ADAMTS2: variants seen among roughly 807,000 people sequenced by gnomAD.
ADAMTS2 encodes ADAM metallopeptidase with thrombospondin type 1 motif 2, also known as A disintegrin and metalloproteinase with thrombospondin motifs 2.
Under a neutral mutation model 123.0 loss-of-function variants are expected in ADAMTS2, and 50 were observed. That is an observed-to-expected ratio of 0.41 (90% CI 0.32 to 0.51). ADAMTS2 has a LOEUF of 0.51. ADAMTS2 is among the 20% of genes least tolerant of loss of function. The pLI, the probability that ADAMTS2 is intolerant of heterozygous loss-of-function variation, is 0.35. For synonymous variants in ADAMTS2, 678 were observed against 695.4 expected (o/e 0.98, Z 0.39); for missense variants, 1,494 against 1,705.2 (o/e 0.88, Z 2.18).
At chr5:179,326,998 TA>T (rs1436208314) in intron 2 of ADAMTS2, among the ~76,000 whole-genome samples, 14 of 152,056 alleles carry the variant, frequency 9.2e-5, no homozygotes, top group Non-Finnish European at 1.9e-4. Context: ...CCCGCCAGGG[TA>T]ATGATAGGGA....
chr5:179,238,089 G>A (rs1581211914), intron 3 of ADAMTS2, among the ~76,000 whole-genome samples: 1 of 152,168 alleles, frequency 6.6e-6, no homozygotes, highest in African/African-American at 2.4e-5. Flanking sequence ...GTGCACTCTG[G>A]AAACAGCCAA....
intron 3 of ADAMTS2, among the ~76,000 whole-genome samples, chr5:179,245,623 G>A (rs978385024): frequency 3.4e-4 from 51 of 150,026 alleles, no homozygotes; most frequent in Middle Eastern, 3.4e-3. Flanking sequence ...AAAATTAGCC[G>A]GGCGTGGTAG....
intron 10 of ADAMTS2, among the ~76,000 whole-genome samples, chr5:179,146,433 C>T (rs1245539151): frequency 2.6e-5 from 4 of 152,168 alleles, no homozygotes; most frequent in Admixed American, 6.5e-5. Context: ...TCTGTGGGAG[C>T]TTGACTTTAA....
chr5:179,270,588 C>T (rs752045046), intron 3 of ADAMTS2, among the ~76,000 whole-genome samples: 7 of 152,208 alleles, frequency 4.6e-5, no homozygotes, highest in Non-Finnish European at 7.4e-5. Context: ...GTGCCCCTCA[C>T]TATGCCTGGC....
intron 2 of ADAMTS2, chr5:179,341,357 A>AAGG: frequency 2.5e-6 from 1 of 399,102 alleles, no homozygotes. Flanking sequence ...AGAAAGAAAA[A>AAGG]AAGGAAGGAA....
chr5:179,167,316 C>T (rs2113283893), intron 5 of ADAMTS2, among the ~76,000 whole-genome samples: 1 of 152,050 alleles, frequency 6.6e-6, no homozygotes, highest in Non-Finnish European at 1.5e-5. Context: ...CGGCCCGGGC[C>T]GGGGACGCAC....
chr5:179,113,958 C>T lies in ADAMTS2; in HGVS notation c.3545G>A (p.Arg1182Gln), dbSNP rs140845527. Residue 1182 changes from arginine (R) to glutamine (Q), a missense_variant, in exon 22 of 22, where the codon CGA becomes CAA. Physicochemically the swap from Arg to Gln is conservative, Grantham distance 43. Coordinates refer to ENST00000251582, the MANE Select transcript of ADAMTS2 (RefSeq NM_014244.5). ...DEVQPPNLIP[R>Q]RPSPYEKTRN... Reference sequence around the variant, plus strand: ...GGTCTTTTCATAGGGGCTCGGTCGTCGAGGGATTAGGTTGGGTGGCTGGAC... The same window carrying T: ...GGTCTTTTCATAGGGGCTCGGTCGTTGAGGGATTAGGTTGGGTGGCTGGAC... 171 of 1,613,966 alleles carry T rather than the reference C, an allele frequency of 1.1e-4. No individual in the cohort carries two copies. Among genetic ancestry groups the T allele is most frequent in the Non-Finnish European group, 1.3e-4 (157 of 1,180,036 alleles).
chr5:179,183,776 TCCCTACTGCC>T (rs1485896020), intron 4 of ADAMTS2, among the ~76,000 whole-genome samples: 2 of 152,168 alleles, frequency 1.3e-5, no homozygotes, highest in African/African-American at 4.8e-5. Context: ...AGGGGACTCA[TCCCTACTGCC>T]CCCCACCAGG....
chr5:179,306,812 A>T (rs1211073293), intron 2 of ADAMTS2, among the ~76,000 whole-genome samples: 1 of 152,188 alleles, frequency 6.6e-6, no homozygotes, highest in Admixed American at 6.5e-5. Context: ...GATGAACTCA[A>T]CCAGGGAAAG....
At chr5:179,121,799 C>T (rs756484519) in intron 20 of ADAMTS2, 49 bp from the exon 21 acceptor site, 15 of 1,357,822 alleles carry the variant, frequency 1.1e-5, no homozygotes, top group African/African-American at 1.5e-5. Flanking sequence ...AGGCTGGGGC[C>T]CCCACCCCAG....
chr5:179,140,060 C>G, intron 10 of ADAMTS2, 25 bp from the exon 11 acceptor site: 5 of 1,613,714 alleles, frequency 3.1e-6, no homozygotes, highest in Non-Finnish European at 4.2e-6. Flanking sequence ...GCCAGTCCCT[C>G]CACTCACCCT....
rs1762917650 is a variant in ADAMTS2, at chr5:179,129,231, G to A, written c.2457+701C>T. Among the ~76,000 whole-genome samples the A allele has an allele frequency of 6.6e-6, 1 of 152,152 alleles. No homozygotes were observed. The highest frequency in any genetic ancestry group is 2.1e-4 in the South Asian group (1 of 4,820). On this transcript the variant is annotated intron_variant, in intron 16 of 21. Transcript: ENST00000251582. The surrounding 1 kb of genome is among the most constrained non-coding windows in gnomAD (Gnocchi z 4.1). ...CAGGCGAGGCAGGCAGGGTGCCAGG[G>A]GGTACACGGGGCATACCTGGCTCAC... is the stretch of plus-strand genomic sequence containing the variant.
chr5:179,343,722 G>C (rs767349722), intron 2 of ADAMTS2, 45 bp downstream of exon 2: 1 of 1,593,440 alleles, frequency 6.3e-7, no homozygotes, highest in African/African-American at 1.3e-5. Context: ...CCAAAACCCA[G>C]GCGAGAGCAG....
chr5:179,320,817 G>C (rs533116817), intron 2 of ADAMTS2, among the ~76,000 whole-genome samples: 1 of 152,318 alleles, frequency 6.6e-6, no homozygotes, highest in South Asian at 2.1e-4. Flanking sequence ...ACTATTGCTG[G>C]AATTGTTGGA....
rs542855693 is a variant in ADAMTS2 at position 179,317,977 on chromosome 5, G to C, written c.534+25790C>G. ...GGAGCCGGGACATGAGGAACGGGCA[G>C]TGATGAATCTGAAGCCCTGCTGGTC... On this transcript the variant is annotated intron_variant, in intron 2 of 21. Coordinates refer to ENST00000251582, the MANE Select transcript of ADAMTS2 (RefSeq NM_014244.5). The surrounding 1 kb of genome is among the most constrained non-coding windows in gnomAD (Gnocchi z 4.9). Among the ~76,000 whole-genome samples, 1 of 152,218 alleles carries C rather than the reference G, an allele frequency of 6.6e-6. No homozygotes were observed. Among genetic ancestry groups the C allele is most frequent in the East Asian group, 1.9e-4 (1 of 5,192 alleles).
intron 2 of ADAMTS2, among the ~76,000 whole-genome samples, chr5:179,337,600 G>A (rs945070343): frequency 3.3e-5 from 5 of 152,234 alleles, no homozygotes; most frequent in African/African-American, 1.2e-4. Flanking sequence ...AGCCAGAGAG[G>A]CAGGTGGGGT....
chr5:179,199,394 C>G (rs1764508208), intron 4 of ADAMTS2, among the ~76,000 whole-genome samples: 1 of 152,208 alleles, frequency 6.6e-6, no homozygotes, highest in Non-Finnish European at 1.5e-5. Flanking sequence ...AGGGGCATGT[C>G]TGGTGGATGG....
intron 12 of ADAMTS2, among the ~76,000 whole-genome samples, chr5:179,136,653 C>T (rs1362722197): frequency 2.9e-5 from 4 of 136,532 alleles, no homozygotes; most frequent in Admixed American, 7.9e-5. Flanking sequence ...GCCTGGGTGA[C>T]GGAGCAAGAC....
chr5:179,184,509 T>TCA (rs1290290563), intron 4 of ADAMTS2, among the ~76,000 whole-genome samples: 7 of 91,410 alleles, frequency 7.7e-5, no homozygotes, highest in African/African-American at 2.3e-4. Context: ...AGACTCTGTC[T>TCA]AAAAAAAAAA....
Sources: allele counts gnomAD v4.1 joint callset (sites outside exome capture counted in the v4.1 genomes callset), GRCh38; gene constraint gnomAD v4.1.1; non-coding constraint Gnocchi (gnomAD v3.1); transcripts MANE v1.5; gene names NCBI Gene and HGNC (gene_info 2026-07-23, HGNC 2026-07-21).